The following TLK2 variants were observed in gnomAD, a reference collection of about 807,000 sequenced individuals.
TLK2 encodes the protein serine/threonine-protein kinase tousled-like 2.
Under a neutral mutation model 117.3 loss-of-function variants are expected in TLK2, and 6 were observed. That is an observed-to-expected ratio of 0.05 (90% CI 0.03 to 0.10). The LOEUF is 0.10. TLK2 is among the 10% of genes least tolerant of loss of function. The pLI is 1.00. For missense variants in TLK2, 299 were observed against 901.2 expected, an observed-to-expected ratio of 0.33 and a Z score of 8.56; for synonymous variants, 257 against 316.7, an observed-to-expected ratio of 0.81 and a Z score of 2.00.
intron 2 of TLK2, among the ~76,000 whole-genome samples, chr17:62,512,213 CTTTTTTTTTTTTT>C (rs35913164): frequency 7.4e-5 from 3 of 40,644 alleles, no homozygotes; most frequent in African/African-American, 2.8e-4. Flanking sequence ...ATCACCCCTC[CTTTTTTTTTTTTT>C]TTTTTTTTTT....
At chr17:62,521,100 C>T (rs2076016388) in intron 3 of TLK2, among the ~76,000 whole-genome samples, 1 of 152,158 alleles carries the variant, frequency 6.6e-6, no homozygotes, top group Non-Finnish European at 1.5e-5. Context: ...AATGAGGCTG[C>T]AGTGAGCTGT....
At chr17:62,503,091 G>A (rs1399492869) in intron 2 of TLK2, among the ~76,000 whole-genome samples, 11 of 121,588 alleles carry the variant, frequency 9.0e-5, no homozygotes, top group African/African-American at 2.8e-4. Context: ...ACGGAGTCTC[G>A]CTCTCTCGCC....
chr17:62,530,048 G>T (rs2076635364), intron 6 of TLK2, among the ~76,000 whole-genome samples: 1 of 152,046 alleles, frequency 6.6e-6, no homozygotes, highest in South Asian at 2.1e-4. Context: ...TACGAGGCAG[G>T]CAAATCATGA....
chr17:62,555,659 A>G (rs1193977735), intron 9 of TLK2, among the ~76,000 whole-genome samples: 5 of 151,240 alleles, frequency 3.3e-5, no homozygotes, highest in East Asian at 2.0e-4. Flanking sequence ...ATTTTTGTAT[A>G]GTAGAGACGG....
intron 20 of TLK2, among the ~76,000 whole-genome samples, chr17:62,607,255 C>A (rs2083375382): frequency 6.7e-6 from 1 of 150,218 alleles, no homozygotes; most frequent in African/African-American, 2.5e-5. Context: ...CGTGGTGGCT[C>A]ACACCTGTAA....
At chr17:62,580,772 G>A (rs2081157692) in intron 15 of TLK2, among the ~76,000 whole-genome samples, 1 of 152,102 alleles carries the variant, frequency 6.6e-6, no homozygotes, top group African/African-American at 2.4e-5. Flanking sequence ...CATAACATGT[G>A]GGTTTGATTT....
At chr17:62,516,311 C>G in intron 2 of TLK2, 1 of 1,092,698 alleles carries the variant, frequency 9.2e-7, no homozygotes, top group Non-Finnish European at 1.4e-6. Context: ...CAAAAGAATC[C>G]TCTCCAGTTT....
intron 2 of TLK2, among the ~76,000 whole-genome samples, chr17:62,489,841 T>A (rs2072916980): frequency 6.6e-6 from 1 of 152,190 alleles, no homozygotes; most frequent in Admixed American, 6.6e-5. Context: ...TTTATTTTTA[T>A]TTTTATTTTT....
intron 15 of TLK2, among the ~76,000 whole-genome samples, chr17:62,583,971 TTTC>T (rs781442435): frequency 6.6e-6 from 1 of 152,146 alleles, no homozygotes; most frequent in Non-Finnish European, 1.5e-5. Context: ...TCCACAATCC[TTTC>T]TTAAGTCAGT....
rs554196622 is a variant in TLK2, at chr17:62,516,786, C to T, written c.82-3987C>T. On this transcript the variant is annotated intron_variant, in intron 2 of 21. Coordinates refer to ENST00000346027, the MANE Select transcript of TLK2 (RefSeq NM_006852.6). ...TCAACATCTCTGCAGCTGCAGGGTCCGGGGCCGGGGCTGGAAAGCTAGTTT... is the reference window on the plus strand; with the variant it reads ...TCAACATCTCTGCAGCTGCAGGGTCTGGGGCCGGGGCTGGAAAGCTAGTTT... 737 of 1,435,996 alleles carry T rather than the reference C, an allele frequency of 5.1e-4. 1 individual carries two copies. Among genetic ancestry groups the T allele is most frequent in the South Asian group, 7.8e-4 (65 of 83,494 alleles). 89.0% of individuals were successfully genotyped at this position (1,435,996 alleles called of 1,614,324 possible). A position where few individuals can be genotyped will look rare whatever the true frequency, so the allele number is the denominator to read the frequency against.
intron 19 of TLK2, among the ~76,000 whole-genome samples, chr17:62,603,055 A>C (rs2082989579): frequency 6.6e-6 from 1 of 152,180 alleles, no homozygotes; most frequent in African/African-American, 2.4e-5. Flanking sequence ...AAGGCTCTAT[A>C]GCACCAACGG....
intron 7 of TLK2, among the ~76,000 whole-genome samples, chr17:62,546,831 A>T (rs1019876519): frequency 1.3e-5 from 2 of 151,764 alleles, no homozygotes; most frequent in Non-Finnish European, 2.9e-5. Flanking sequence ...AAGTGCTGGG[A>T]TTACAGGCAT....
intron 11 of TLK2, among the ~76,000 whole-genome samples, chr17:62,571,188 G>A (rs954528822): frequency 6.6e-6 from 1 of 152,114 alleles, no homozygotes; most frequent in Non-Finnish European, 1.5e-5. Context: ...CCCTTGTGGG[G>A]AATTGGTTCC....
upstream of TLK2, among the ~76,000 whole-genome samples, chr17:62,478,608 C>T (rs1025090076): frequency 2.7e-5 from 4 of 150,770 alleles, no homozygotes; most frequent in African/African-American, 9.7e-5. Flanking sequence ...CCTCCGCCGG[C>T]GCGGGGTCCC....
chr17:62,588,234 G>C (rs926990865), intron 16 of TLK2, among the ~76,000 whole-genome samples: 1 of 152,048 alleles, frequency 6.6e-6, no homozygotes, highest in Non-Finnish European at 1.5e-5. Flanking sequence ...CAGTATCCAG[G>C]TTTCTGGCTG....
At chr17:62,476,969 A>G (rs896970698), upstream of TLK2, among the ~76,000 whole-genome samples, 7 of 152,020 alleles carry the variant, frequency 4.6e-5, no homozygotes, top group Non-Finnish European at 1.0e-4. Flanking sequence ...GCGTGCCTGT[A>G]ATCCCGGCTA....
intron 2 of TLK2, among the ~76,000 whole-genome samples, chr17:62,485,472 A>G (rs1385280165): frequency 6.6e-6 from 1 of 152,184 alleles, no homozygotes; most frequent in Non-Finnish European, 1.5e-5. Flanking sequence ...ACCTATATTT[A>G]GGTTTTTAAT....
At chr17:62,523,579 A>G (rs1405261181) in intron 5 of TLK2, among the ~76,000 whole-genome samples, 12 of 152,268 alleles carry the variant, frequency 7.9e-5, no homozygotes, top group South Asian at 6.2e-4. Flanking sequence ...GTCTCCAAAA[A>G]AAAGAAAGAA....
rs889596948 is a variant in TLK2 at position 62,516,438 on chromosome 17, A to T, written c.82-4335A>T. On this transcript the variant is annotated intron_variant, in intron 2 of 21. Transcript: ENST00000346027. ...CACCAGGTAGCACAGCACTCCTCAT[A>T]TACAGACCTTTAGGCCGAGGCCTGC... 3 of 1,592,572 alleles carry T rather than the reference A, an allele frequency of 1.9e-6. No individual in the cohort carries two copies. In the African/African-American group the frequency reaches 4.0e-5, roughly 21 times the overall value.
Sources: gnomAD v4.1 joint callset for allele counts (sites outside exome capture counted in the v4.1 genomes callset) on GRCh38, gnomAD v4.1.1 for gene constraint, MANE v1.5 for transcripts, NCBI Gene and HGNC (gene_info 2026-07-23, HGNC 2026-07-21) for gene names.